The following REXO1 variants were observed in gnomAD, a reference collection of about 807,000 sequenced individuals.
The protein encoded by REXO1 is REX1, RNA exonuclease 1 homolog.
A neutral mutation model predicts 102.6 loss-of-function variants in REXO1; 42 were observed. The observed-to-expected ratio is 0.41, with a 90% CI of 0.32 to 0.53. REXO1 has a LOEUF of 0.53. Ranked by LOEUF, REXO1 falls within the 20% of genes least tolerant of loss-of-function variation. REXO1 has a pLI of 0.27. For missense variants in REXO1, 1,819 were observed against 1,732.5 expected, an observed-to-expected ratio of 1.05 and a Z score of -0.89; for synonymous variants, 908 against 779.1, an observed-to-expected ratio of 1.17 and a Z score of -2.76.
chr19:1,837,396 C>T (rs912590897), intron 1 of REXO1, among the ~76,000 whole-genome samples: 4 of 152,306 alleles, frequency 2.6e-5, no homozygotes, highest in Admixed American at 2.6e-4. Flanking sequence ...GATAGGAACC[C>T]GCTGCTCAGA....
chr19:1,815,817 C>T lies in REXO1; in HGVS notation c.*249G>A. 3 of 1,502,246 alleles carry T rather than the reference C, an allele frequency of 2.0e-6. No individual in the cohort carries two copies. Among genetic ancestry groups the T allele is most frequent in the Non-Finnish European group, 2.7e-6 (3 of 1,127,808 alleles). The allele number at this position is 1,502,246 out of a possible 1,614,324, so 93.1% of individuals were successfully genotyped here. ...TGGGGGCGGGCTCTGTCCTGGTCTC[C>T]ATCAGCAGCAGTTTCTAGAGACGCC... On this transcript the variant is annotated 3_prime_UTR_variant, in exon 16 of 16. Coordinates refer to ENST00000170168, the MANE Select transcript of REXO1 (RefSeq NM_020695.4). This position sits in a 1 kb window ranked among gnomAD's most constrained non-coding sequence, Gnocchi z 4.0.
chr19:1,834,201 C>T (rs1027668780), intron 1 of REXO1, among the ~76,000 whole-genome samples: 2 of 152,138 alleles, frequency 1.3e-5, no homozygotes, highest in African/African-American at 4.8e-5. Context: ...CCAGCAGACA[C>T]CCGCGAGCCC....
rs758684497 is a variant in REXO1 at position 1,827,003 on chromosome 19, C to A, written c.1786G>T (p.Asp596Tyr). The A allele has an allele frequency of 1.3e-6, 2 of 1,553,024 alleles. No homozygotes were observed. Among genetic ancestry groups the A allele is most frequent in the Non-Finnish European group, 8.7e-7 (1 of 1,149,246 alleles). ...SSSSTSSAGA[D>Y]VDYSALEKEV... ...TTCTCCAGGGCCGAGTAGTCCACATCCGCCCCCGCGCTGGAGGTGGAGGAG... is the reference window on the plus strand; with the variant it reads ...TTCTCCAGGGCCGAGTAGTCCACATACGCCCCCGCGCTGGAGGTGGAGGAG... The change falls in exon 2 of 16, where the codon GAT becomes TAT. Residue 596 changes from aspartate to tyrosine, a missense_variant. By Grantham distance (160) the Asp-to-Tyr change is radical. Coordinates refer to ENST00000170168, the MANE Select transcript of REXO1 (RefSeq NM_020695.4).
In REXO1 at chr19:1,818,583, G is replaced by A; in HGVS notation, c.2915C>T (p.Thr972Ile). ...GTACTCGGTGCCACAGCGGCAGCAG[G>A]TCCTGCAGGAAGCTGTGGGTGGGGA... ...EKRPKDSSCR[T>I]CCRCGTEYLV... is the part of the protein sequence containing the mutation. The change falls in exon 10 of 16, where the codon ACC (threonine) becomes ATC (isoleucine). Residue 972 changes from threonine (T) to isoleucine (I), a missense_variant. Transcript: ENST00000170168. The A allele has an allele frequency of 6.2e-7, 1 of 1,610,770 alleles. No homozygotes were observed. The highest frequency in any genetic ancestry group is 1.3e-5 in the African/African-American group (1 of 75,024).
intron 1 of REXO1, among the ~76,000 whole-genome samples, chr19:1,841,893 G>A (rs760002365): frequency 5.3e-5 from 8 of 152,126 alleles, no homozygotes; most frequent in Non-Finnish European, 8.8e-5. Flanking sequence ...CAGGCAGAGC[G>A]CCAGCTCAGC....
rs765335828 is a variant in REXO1, at chr19:1,818,785, C to T, written c.2823G>A (p.Glu941=). 1.2e-6 allele frequency: 2 copies of T among 1,609,920 alleles called. No individual in the cohort carries two copies. Among genetic ancestry groups the T allele is most frequent in the South Asian group, 2.2e-5 (2 of 91,056 alleles). The change falls in exon 9 of 16, where the codon GAG becomes GAA. Residue 941 remains glutamate, a synonymous_variant. Coordinates refer to ENST00000170168, the MANE Select transcript of REXO1 (RefSeq NM_020695.4). ...CTGGGTGCGGGAAGGGGTAGCCGTT[C>T]TCCTTGAGCTGGTCCTGGGTGAGCA... ...EYLLTQDQLK[E]NGYPFPHPER...
At chr19:1,817,047 G>A (rs2069387409) in intron 12 of REXO1, 172 bp downstream of exon 12, 1 of 847,478 alleles carries the variant, frequency 1.2e-6, no homozygotes, top group Non-Finnish European at 1.8e-6. Flanking sequence ...GCTTGGCTCT[G>A]CTGGGAAGTA....
Position 1,818,815 on chromosome 19 carries a change from C to G in REXO1, c.2793G>C (p.Glu931Asp). Reference sequence around the variant, plus strand: ...TGAGCTGGTCCTGGGTGAGCAGGTACTCCCTGAGGCGGCTGTACAGGGCAG... The same window carrying G: ...TGAGCTGGTCCTGGGTGAGCAGGTAGTCCCTGAGGCGGCTGTACAGGGCAG... ...KGAALYSRLR[E>D]YLLTQDQLKE... The change falls in exon 9 of 16, where the codon GAG becomes GAC. Residue 931 changes from glutamate to aspartate, a missense_variant. Transcript: ENST00000170168. 1 of 1,609,402 alleles carries G rather than the reference C, an allele frequency of 6.2e-7. No individual in the cohort carries two copies. The highest frequency in any genetic ancestry group is 8.5e-7 in the Non-Finnish European group (1 of 1,179,860).
In REXO1 at chr19:1,818,590, A is replaced by C; in HGVS notation, c.2908T>G (p.Cys970Gly). ...GTGCCACAGCGGCAGCAGGTCCTGCAGGAAGCTGTGGGTGGGGACCCAGGT... is the reference window on the plus strand; with the variant it reads ...GTGCCACAGCGGCAGCAGGTCCTGCCGGAAGCTGTGGGTGGGGACCCAGGT... Reference protein sequence around the residue: ...AEEKRPKDSSCRTCCRCGTEY... With the variant: ...AEEKRPKDSSGRTCCRCGTEY... Residue 970 changes from cysteine to glycine, a missense_variant, in exon 10 of 16, where the codon TGC becomes GGC. Coordinates refer to ENST00000170168, the MANE Select transcript of REXO1 (RefSeq NM_020695.4). The C allele has an allele frequency of 1.2e-6, 2 of 1,610,216 alleles. No homozygotes were observed. The highest frequency in any genetic ancestry group is 1.7e-6 in the Non-Finnish European group (2 of 1,179,004).
Position 1,816,792 on chromosome 19 carries a change from C to G in REXO1, c.3223G>C (p.Glu1075Gln). 6.2e-7 allele frequency: 1 copy of G among 1,612,692 alleles called. No individual in the cohort carries two copies. Among genetic ancestry groups the G allele is most frequent in the Non-Finnish European group, 8.5e-7 (1 of 1,179,812 alleles). Residue 1075 changes from glutamate (E) to glutamine (Q), a missense_variant, in exon 13 of 16, where the codon GAG becomes CAG. Coordinates refer to ENST00000170168, the MANE Select transcript of REXO1 (RefSeq NM_020695.4). The part of the protein sequence containing the change: ...CEMSYTTYGL[E>Q]LTRVTVVDTD... ...TCGACCACCGTGACGCGCGTCAGCT[C>G]CAGGCCATATGTGGTGTAGGACTGC...
At chr19:1,821,387 A>G (rs2069534482) in intron 5 of REXO1, 132 bp downstream of exon 5, 9 of 999,456 alleles carry the variant, frequency 9.0e-6, no homozygotes, top group East Asian at 2.5e-5. Flanking sequence ...GGGAAGGTGA[A>G]GGCTGTACTG....
At chr19:1,828,783 G>T in intron 1 of REXO1, 152 bp from the exon 2 acceptor site, 1 of 1,079,552 alleles carries the variant, frequency 9.3e-7, no homozygotes, top group African/African-American at 1.6e-5. Flanking sequence ...GGGGTGCCCA[G>T]CTGGGTACAG....
intron 1 of REXO1, among the ~76,000 whole-genome samples, chr19:1,835,341 GAA>G (rs1300825349): frequency 6.6e-6 from 1 of 152,008 alleles, no homozygotes; most frequent in Non-Finnish European, 1.5e-5. Flanking sequence ...TCAGGAGTTC[GAA>G]ACCAGCCTGG....
intron 10 of REXO1, among the ~76,000 whole-genome samples, chr19:1,818,014 G>T (rs538149630): frequency 1.3e-5 from 2 of 152,334 alleles, no homozygotes; most frequent in African/African-American, 4.8e-5. Flanking sequence ...TCTTGGCAGC[G>T]CTGCCCCGGG....
intron 4 of REXO1, 173 bp downstream of exon 4, chr19:1,823,399 T>C: frequency 2.4e-6 from 1 of 425,422 alleles, no homozygotes; most frequent in Non-Finnish European, 4.0e-6. Context: ...CCTGCACCCC[T>C]CAACAGTCCC....
intron 3 of REXO1, chr19:1,823,989 T>G: frequency 2.5e-6 from 1 of 394,996 alleles, no homozygotes; most frequent in Non-Finnish European, 4.5e-6. Context: ...GCTCCCCCAC[T>G]CCCAGTGTCT....
Position 1,815,793 on chromosome 19 carries a change from G to A in REXO1, c.*273C>T. ...GGGCAGGAGGGGCTGCGGGCCGGGT[G>A]GGGGCGGGCTCTGTCCTGGTCTCCA... On this transcript the variant is annotated 3_prime_UTR_variant, in exon 16 of 16. Transcript: ENST00000170168. This position sits in a 1 kb window ranked among gnomAD's most constrained non-coding sequence, Gnocchi z 4.0. The A allele has an allele frequency of 2.1e-6, 3 of 1,460,800 alleles. No individual in the cohort carries two copies. The highest frequency in any genetic ancestry group is 2.7e-6 in the Non-Finnish European group (3 of 1,101,764). 90.5% of individuals were successfully genotyped at this position (1,460,800 alleles called of 1,614,324 possible).
At position 1,848,292 on chromosome 19, in the gene REXO1, G is replaced by GC; in HGVS notation, c.66dup (p.Pro23AlafsTer22). ...AAGTGGCAGTAGGGCCGCCGGCAGGGCCCCCCGGGCGCCCCAGACCAATAG... is the reference window on the plus strand; with the variant it reads ...AAGTGGCAGTAGGGCCGCCGGCAGGGCCCCCCCGGGCGCCCCAGACCAATAG... On this transcript the variant is annotated frameshift_variant, in exon 1 of 16. Transcript: ENST00000170168. LOFTEE classifies it high-confidence loss of function. 1 of 1,232,198 alleles carries GC rather than the reference G, an allele frequency of 8.1e-7. No homozygotes were observed. The highest frequency in any genetic ancestry group is 1.0e-6 in the Non-Finnish European group (1 of 981,950). 76.3% of individuals were successfully genotyped at this position (1,232,198 alleles called of 1,614,324 possible). A position where few individuals can be genotyped will look rare whatever the true frequency, so the allele number is the denominator to read the frequency against.
At chr19:1,842,193 G>A (rs996852760) in intron 1 of REXO1, among the ~76,000 whole-genome samples, 7 of 146,896 alleles carry the variant, frequency 4.8e-5, no homozygotes, top group East Asian at 4.0e-4. Flanking sequence ...CAGCCTAGAC[G>A]ACAGAGCCAG....
Sources: allele counts gnomAD v4.1 joint callset (sites outside exome capture counted in the v4.1 genomes callset), GRCh38; gene constraint gnomAD v4.1.1; non-coding constraint Gnocchi (gnomAD v3.1); transcripts MANE v1.5; gene names NCBI Gene and HGNC (gene_info 2026-07-23, HGNC 2026-07-21).